CALM2: variants seen among roughly 807,000 people sequenced by gnomAD.
CALM2 encodes the protein calmodulin-2.
Under a neutral mutation model 19.8 loss-of-function variants are expected in CALM2, and 2 were observed. The ratio of observed to expected loss-of-function variants is 0.10; its 90% CI spans 0.04 to 0.32. The LOEUF (loss-of-function observed/expected upper bound fraction) is 0.32. CALM2 is among the 10% of genes least tolerant of loss of function. The pLI is 1.00. For synonymous variants in CALM2, 51 were observed against 52.1 expected, an observed-to-expected ratio of 0.98 and a Z score of 0.09; for missense variants, 38 against 178.7, an observed-to-expected ratio of 0.21 and a Z score of 4.49.
intron 2 of CALM2, among the ~76,000 whole-genome samples, chr2:47,165,680 A>G (rs1290746073): frequency 1.3e-5 from 2 of 152,084 alleles, no homozygotes; most frequent in Non-Finnish European, 2.9e-5. Context: ...ATCTATACCC[A>G]CTTACAACGA....
At chr2:47,161,927 A>G in intron 4 of CALM2, 69 bp from the exon 5 acceptor site, 3 of 1,262,060 alleles carry the variant, frequency 2.4e-6, no homozygotes, top group Non-Finnish European at 3.4e-6. Context: ...AAATTTATTA[A>G]GTTTACTACT....
chr2:47,175,224 A>AC (rs1206711218), intron 1 of CALM2, among the ~76,000 whole-genome samples: 1 of 152,112 alleles, frequency 6.6e-6, no homozygotes, highest in Non-Finnish European at 1.5e-5. Context: ...AACGAAGTGT[A>AC]CGTCAAGACG....
intron 1 of CALM2, chr2:47,171,483 C>T (rs1321187835): frequency 6.6e-6 from 1 of 152,124 alleles, no homozygotes; most frequent in Non-Finnish European, 1.5e-5. Flanking sequence ...AGGAATGAGG[C>T]TAGGGTTAAG....
At chr2:47,175,704 A>C (rs1321457996) in intron 1 of CALM2, among the ~76,000 whole-genome samples, 1 of 146,450 alleles carries the variant, frequency 6.8e-6, no homozygotes, top group East Asian at 2.3e-4. Context: ...CATCCCCGCC[A>C]ATGGCCCCGC....
At chr2:47,176,919 C>T (rs996118875), upstream of CALM2, 26 of 985,330 alleles carry the variant, frequency 2.6e-5, no homozygotes, top group Non-Finnish European at 3.1e-5. Context: ...CTGCTCGGGC[C>T]GCGCTGTCCT....
chr2:47,164,175 T>C (rs1666373849), intron 2 of CALM2, among the ~76,000 whole-genome samples: 1 of 150,400 alleles, frequency 6.6e-6, no homozygotes. Flanking sequence ...GAGGCAGAGC[T>C]TGCAGTGAGC....
At chr2:47,170,855 A>G (rs1209820457) in intron 1 of CALM2, 91 bp from the exon 2 acceptor site, 1 of 994,162 alleles carries the variant, frequency 1.0e-6, no homozygotes. Flanking sequence ...AAGGGTTACC[A>G]TGTACTGTTT....
Position 47,162,607 on chromosome 2 carries a change from T to G in CALM2, c.90A>C (p.Thr30=). The G allele has an allele frequency of 6.2e-7, 1 of 1,613,338 alleles. No individual in the cohort carries two copies. The highest frequency in any genetic ancestry group is 8.5e-7 in the Non-Finnish European group (1 of 1,179,516). Residue 30 remains threonine (T), a synonymous_variant, in exon 3 of 6, where the codon ACA becomes ACC. Transcript: ENST00000272298. ...FDKDGDGTIT[T]KELGTVMRSL... ...ATCTCATTACAGTTCCCAATTCCTT[T>G]GTTGTTATAGTTCCATCACCATCTT...
rs888503270 is a variant in CALM2 at position 47,162,833 on chromosome 2, A to G, written c.35-171T>C. 3.1e-5 allele frequency: 16 copies of G among 524,098 alleles called. No homozygotes were observed. The African/African-American group carries it at 3.2e-4, about 10-fold the overall frequency. The allele number at this position is 524,098 out of a possible 1,614,324, so 32.5% of individuals were successfully genotyped here. A position where few individuals can be genotyped will look rare whatever the true frequency, so the allele number is the denominator to read the frequency against. On this transcript the variant is annotated intron_variant, in intron 2 of 5. Coordinates refer to ENST00000272298, the MANE Select transcript of CALM2 (RefSeq NM_001743.6). Reference sequence around the variant, plus strand: ...ACCCCACGTCTCAGAAAAACCCAAAAACTTTTAACGGAAAAATACCAATGG... The same window carrying G: ...ACCCCACGTCTCAGAAAAACCCAAAGACTTTTAACGGAAAAATACCAATGG...
At position 47,160,533 on chromosome 2, in the gene CALM2, A is replaced by G. The variant is rs1268914249; in HGVS notation, c.*243T>C. The G allele has an allele frequency of 8.2e-6, 3 of 367,574 alleles. No individual in the cohort carries two copies. The highest frequency in any genetic ancestry group is 1.5e-5 in the Non-Finnish European group (3 of 201,090). 22.8% of individuals were successfully genotyped at this position (367,574 alleles called of 1,614,324 possible). On this transcript the variant is annotated 3_prime_UTR_variant, in exon 6 of 6. Coordinates refer to ENST00000272298, the MANE Select transcript of CALM2 (RefSeq NM_001743.6). ...ACTCCATCTAAGTTTAGATGTGCAGAAGGGCTTAGATATATCCAGAGTAAG... is the reference window on the plus strand; with the variant it reads ...ACTCCATCTAAGTTTAGATGTGCAGGAGGGCTTAGATATATCCAGAGTAAG...
intron 2 of CALM2, among the ~76,000 whole-genome samples, chr2:47,169,331 C>T (rs1001911709): frequency 1.3e-5 from 2 of 151,880 alleles, no homozygotes; most frequent in African/African-American, 4.8e-5. Flanking sequence ...TTTGACGATA[C>T]ATTTACTTTG....
chr2:47,175,768 C>T (rs1163072058), intron 1 of CALM2, among the ~76,000 whole-genome samples: 1 of 140,194 alleles, frequency 7.1e-6, no homozygotes, highest in Non-Finnish European at 1.7e-5. Flanking sequence ...AGCTGGAGCT[C>T]GAGCGGGGCC....
intron 2 of CALM2, among the ~76,000 whole-genome samples, chr2:47,169,090 A>C (rs1201384003): frequency 6.6e-6 from 1 of 152,126 alleles, no homozygotes; most frequent in Non-Finnish European, 1.5e-5. Flanking sequence ...CTTTCTTTTC[A>C]AAGAGTTGTT....
At position 47,161,910 on chromosome 2, in the gene CALM2, G is replaced by A. The variant is rs143704343; in HGVS notation, c.286-52C>T. On this transcript the variant is annotated intron_variant, in intron 4 of 5. Coordinates refer to ENST00000272298, the MANE Select transcript of CALM2 (RefSeq NM_001743.6). ...GAGTCAAATTACAGACTTGAGAGTT[G>A]GAATGGAAATTTATTAAGTTTACTA... The A allele has an allele frequency of 6.6e-5, 96 of 1,462,624 alleles. No individual in the cohort carries two copies. In the African/African-American group the frequency reaches 1.2e-3, roughly 19 times the overall value. 90.6% of individuals were successfully genotyped at this position (1,462,624 alleles called of 1,614,324 possible).
chr2:47,161,897 A>G lies in CALM2; in HGVS notation c.286-39T>C, dbSNP rs748541560. 4 of 1,545,430 alleles carry G rather than the reference A, an allele frequency of 2.6e-6. No individual in the cohort carries two copies. The South Asian group carries it at 4.7e-5, about 18-fold the overall frequency. ...TAGTATAGTTTCTGAGTCAAATTAC[A>G]GACTTGAGAGTTGGAATGGAAATTT... is the stretch of plus-strand genomic sequence containing the variant. On this transcript the variant is annotated intron_variant, in intron 4 of 5. Coordinates refer to ENST00000272298, the MANE Select transcript of CALM2 (RefSeq NM_001743.6).
At chr2:47,165,920 C>G (rs1666455460) in intron 2 of CALM2, among the ~76,000 whole-genome samples, 1 of 152,196 alleles carries the variant, frequency 6.6e-6, no homozygotes, top group South Asian at 2.1e-4. Context: ...GATTTTTCCT[C>G]CATCTCTACA....
chr2:47,170,326 C>G (rs1439834731), intron 2 of CALM2, among the ~76,000 whole-genome samples: 1 of 152,174 alleles, frequency 6.6e-6, no homozygotes, highest in Admixed American at 6.5e-5. Flanking sequence ...CTAATTTTAA[C>G]TAGGGTAAAT....
At chr2:47,169,264 G>C (rs1666593273) in intron 2 of CALM2, among the ~76,000 whole-genome samples, 2 of 152,244 alleles carry the variant, frequency 1.3e-5, no homozygotes, top group South Asian at 4.1e-4. Context: ...TAGACAGCCT[G>C]AGACAATTTG....
At chr2:47,176,789 C>T (rs910303468), upstream of CALM2, 7 of 985,318 alleles carry the variant, frequency 7.1e-6, no homozygotes, top group African/African-American at 3.5e-5. Context: ...GGAGGAGCAT[C>T]GTGGCGGCGA....
Sources: allele counts gnomAD v4.1 joint callset (sites outside exome capture counted in the v4.1 genomes callset), GRCh38; gene constraint gnomAD v4.1.1; transcripts MANE v1.5; gene names NCBI Gene and HGNC (gene_info 2026-07-23, HGNC 2026-07-21).